The following DHPS variants were observed in gnomAD, a reference collection of about 807,000 sequenced individuals.
The protein encoded by DHPS is migration-inducing gene 13.
A neutral mutation model predicts 38.7 loss-of-function variants in DHPS; 24 were observed. That is an observed-to-expected ratio of 0.62 (90% CI 0.45 to 0.87). DHPS has a LOEUF of 0.87. DHPS is among the 40% of genes least tolerant of loss of function. The pLI, the probability that DHPS is intolerant of heterozygous loss-of-function variation, is 0.00. For synonymous variants in DHPS, 250 were observed against 204.4 expected (o/e 1.22, Z -1.90); for missense variants, 510 against 497.6 (o/e 1.02, Z -0.24).
chr19:12,672,496 T>C (rs2024452625), downstream of DHPS: 1 of 310,486 alleles, frequency 3.2e-6, no homozygotes, highest in African/African-American at 2.1e-5. Flanking sequence ...TATTCCCATC[T>C]ACTCGGGAGG....
At chr19:12,675,130 G>C (rs1202737682), downstream of DHPS, among the ~76,000 whole-genome samples, 1 of 149,224 alleles carries the variant, frequency 6.7e-6, no homozygotes, top group African/African-American at 2.5e-5. Flanking sequence ...AACAGAAAAA[G>C]AAAAAGACTC....
At chr19:12,673,198 T>A, downstream of DHPS, 1 of 1,613,982 alleles carries the variant, frequency 6.2e-7, no homozygotes, top group Non-Finnish European at 8.5e-7. Context: ...CTGTCCACCC[T>A]TAGGTACAAG....
chr19:12,681,496 AG>A, intron 1 of DHPS, 63 bp downstream of exon 1: 1 of 1,572,638 alleles, frequency 6.4e-7, no homozygotes. Context: ...GCCCCCGTCT[AG>A]TACCGCGTTG....
At chr19:12,673,410 CTTTTTTTTTT>C (rs58676851), downstream of DHPS, 32 of 248,040 alleles carry the variant, frequency 1.3e-4, no homozygotes, top group East Asian at 4.4e-4. Context: ...AGGCTAGGAT[CTTTTTTTTTT>C]TTTTTTTTTT....
chr19:12,679,428 G>A (rs902304988), intron 5 of DHPS, 29 bp downstream of exon 5: 4 of 1,598,474 alleles, frequency 2.5e-6, no homozygotes, highest in Admixed American at 3.3e-5. Context: ...GCCAAAGTCT[G>A]GCTACTTTGC....
intron 1 of DHPS, among the ~76,000 whole-genome samples, chr19:12,680,853 G>A (rs867599758): frequency 3.2e-3 from 108 of 33,724 alleles, no homozygotes; most frequent in African/African-American, 0.016. Context: ...TTTTTTTTTT[G>A]AGACAGAGTA....
chr19:12,676,950 G>A (rs1436771322), intron 7 of DHPS, 158 bp downstream of exon 7: 10 of 659,932 alleles, frequency 1.5e-5, no homozygotes, highest in Admixed American at 2.3e-5. Context: ...ACTGCCCCCT[G>A]ACGTGGATGT....
Position 12,677,155 on chromosome 19 carries a change from G to A in DHPS, c.841C>T (p.Leu281=). 6.2e-7 allele frequency: 1 copy of A among 1,614,242 alleles called. No homozygotes were observed. Among genetic ancestry groups the A allele is most frequent in the Non-Finnish European group, 8.5e-7 (1 of 1,180,044 alleles). The stretch of plus-strand genomic sequence containing the variant: ...TGGTGCTTGACCACGCCCCCGCCCA[G>A]AATGATCATCCCAGTGCACTTGGCA... ...IFAKCTGMII[L]GGGVVKHHIA... Residue 281 remains leucine, a synonymous_variant, in exon 7 of 9, where the codon CTG becomes TTG. Transcript: ENST00000210060.
In DHPS at chr19:12,681,576, T is replaced by C. The variant is rs34610671; in HGVS notation, c.191A>G (p.Gln64Arg). Residue 64 changes from glutamine to arginine, a missense_variant, in exon 1 of 9, where the codon CAG (glutamine) becomes CGG (arginine). Physicochemically the swap from Gln to Arg is conservative, Grantham distance 43. Transcript: ENST00000210060. ...FQATNFGRAV[Q>R]QVNAMIEKKL... The stretch of plus-strand genomic sequence containing the variant: ...GGTCCTCACCATGGCATTGACTTGC[T>C]GTACAGCGCGCCCGAAGTTGGTTGC... The C allele has an allele frequency of 5.6e-4, 896 of 1,614,276 alleles. 4 individuals are homozygous for C. The highest frequency in any genetic ancestry group is 2.4e-3 in the African/African-American group (182 of 75,076).
rs1044659893 is a variant in DHPS, at chr19:12,677,127, A to T, written c.869T>A (p.Ile290Asn). The stretch of plus-strand genomic sequence containing the variant: ...ACTCACCATGAGGTTGGCATTGGCA[A>T]TGTGGTGCTTGACCACGCCCCCGCC... ...ILGGGVVKHH[I>N]ANANLMRNGA... Residue 290 changes from isoleucine to asparagine, a missense_variant, in exon 7 of 9, where the codon ATT becomes AAT. Ile to Asn is a moderately radical substitution (Grantham distance 149). Transcript: ENST00000210060. The T allele has an allele frequency of 1.9e-6, 3 of 1,614,248 alleles. No homozygotes were observed. Among genetic ancestry groups the T allele is most frequent in the Non-Finnish European group, 2.5e-6 (3 of 1,180,048 alleles).
At chr19:12,675,418 T>G, downstream of DHPS, 14 of 1,472,002 alleles carry the variant, frequency 9.5e-6, no homozygotes, top group Admixed American at 2.2e-5. Flanking sequence ...CGGGGAGAGG[T>G]GACTGAGGGC....
At chr19:12,678,782 A>C (rs2024700072) in intron 5 of DHPS, among the ~76,000 whole-genome samples, 1 of 146,414 alleles carries the variant, frequency 6.8e-6, no homozygotes, top group African/African-American at 2.5e-5. Context: ...AAAAAAAAAA[A>C]AAAAAAAAAG....
downstream of DHPS, chr19:12,672,514 A>G (rs1338199920): frequency 9.0e-6 from 3 of 332,676 alleles, no homozygotes; most frequent in Non-Finnish European, 1.2e-5. Flanking sequence ...AGGCTGAGGA[A>G]GGAGAATCTC....
downstream of DHPS, among the ~76,000 whole-genome samples, chr19:12,673,696 G>A (rs897921583): frequency 1.9e-4 from 29 of 151,752 alleles, no homozygotes; most frequent in African/African-American, 5.8e-4. Context: ...GATTACAGGC[G>A]TAAGCCACCA....
At chr19:12,679,579 CT>C (rs1160245700) in intron 4 of DHPS, 36 bp from the exon 5 acceptor site, 6 of 1,612,732 alleles carry the variant, frequency 3.7e-6, no homozygotes, top group African/African-American at 2.7e-5. Context: ...CATGCCTCCC[CT>C]GACTCCCACT....
At chr19:12,677,453 CTA>C in intron 5 of DHPS, 57 bp from the exon 6 acceptor site, 1 of 1,436,472 alleles carries the variant, frequency 7.0e-7, no homozygotes, top group Non-Finnish European at 9.7e-7. Context: ...TCCATGCTGG[CTA>C]TATGACTATC....
intron 5 of DHPS, 84 bp downstream of exon 5, chr19:12,679,373 T>C: frequency 7.9e-7 from 1 of 1,257,928 alleles, no homozygotes; most frequent in Admixed American, 1.7e-5. Flanking sequence ...AGAATAACAG[T>C]ACTGAATCCC....
Position 12,675,887 on chromosome 19 carries a change from G to A in DHPS, c.1061C>T (p.Thr354Ile), listed in dbSNP as rs2024565179. ...SLVFPLLVAE[T>I]FAQKMDAFMH... is the part of the protein sequence containing the mutation. Reference sequence around the variant, plus strand: ...GAAGGCATCCATCTTCTGGGCAAAGGTTTCAGCCACAAGCAGGGGGAAGAC... The same window carrying A: ...GAAGGCATCCATCTTCTGGGCAAAGATTTCAGCCACAAGCAGGGGGAAGAC... The change falls in exon 9 of 9, where the codon ACC becomes ATC. Residue 354 changes from threonine to isoleucine, a missense_variant. Coordinates refer to ENST00000210060, the MANE Select transcript of DHPS (RefSeq NM_001930.4). 7.5e-6 allele frequency: 12 copies of A among 1,610,338 alleles called. No homozygotes were observed. The highest frequency in any genetic ancestry group is 9.3e-6 in the Non-Finnish European group (11 of 1,178,254).
downstream of DHPS, chr19:12,673,228 A>G: frequency 6.2e-7 from 1 of 1,613,984 alleles, no homozygotes; most frequent in Non-Finnish European, 8.5e-7. Context: ...AACCAGGAAT[A>G]CAAGCTGGAC....
Sources: allele counts gnomAD v4.1 joint callset (sites outside exome capture counted in the v4.1 genomes callset), GRCh38; gene constraint gnomAD v4.1.1; transcripts MANE v1.5; gene names NCBI Gene and HGNC (gene_info 2026-07-23, HGNC 2026-07-21).